The following CMIP variants were observed in gnomAD, a reference collection of about 807,000 sequenced individuals.
The protein encoded by CMIP is C-Maf-inducing protein.
CMIP carries 13 observed loss-of-function variants against 97.3 expected under a neutral mutation model. The ratio of observed to expected loss-of-function variants is 0.13; its 90% CI spans 0.09 to 0.21. The LOEUF is 0.21. CMIP is among the 10% of genes least tolerant of loss of function. The pLI, the probability that CMIP is intolerant of heterozygous loss-of-function variation, is 1.00. For synonymous variants in CMIP, 538 were observed against 436.3 expected, an observed-to-expected ratio of 1.23 and a Z score of -2.91; for missense variants, 847 against 1,024.9, an observed-to-expected ratio of 0.83 and a Z score of 2.37.
At position 81,707,029 on chromosome 16, in the gene CMIP, G is replaced by A; in HGVS notation, c.2213G>A (p.Cys738Tyr). The A allele has an allele frequency of 1.2e-6, 2 of 1,613,740 alleles. No homozygotes were observed. Among genetic ancestry groups the A allele is most frequent in the South Asian group, 1.1e-5 (1 of 91,072 alleles). ...TCTTGTGCAGCCATGAAGAGTCTCT[G>A]CAGTTTAAACATGAACAGCACCAAG... Reference protein sequence around the residue: ...LLALSSMKSLCSLNMNSTKLS... With the variant: ...LLALSSMKSLYSLNMNSTKLS... The change falls in exon 20 of 21, where the codon TGC becomes TAC. Residue 738 changes from cysteine (C) to tyrosine (Y), a missense_variant. By Grantham distance (194) the Cys-to-Tyr change is radical. Around this residue, in one of 4 missense-constraint regions of CMIP, gnomAD observed 266 missense variants for 384.2 expected, o/e 0.69. Coordinates refer to ENST00000537098, the MANE Select transcript of CMIP (RefSeq NM_198390.3).
intron 1 of CMIP, among the ~76,000 whole-genome samples, chr16:81,537,974 G>A (rs1230502591): frequency 5.9e-5 from 9 of 152,224 alleles, no homozygotes; most frequent in East Asian, 3.8e-4. Flanking sequence ...GAAGAGACCC[G>A]GCATTCCGGA....
At chr16:81,553,351 C>T (rs750756904) in intron 1 of CMIP, among the ~76,000 whole-genome samples, 5 of 152,108 alleles carry the variant, frequency 3.3e-5, no homozygotes, top group Non-Finnish European at 5.9e-5. Flanking sequence ...GACCCAGGAC[C>T]GTATTTGCAA....
intron 1 of CMIP, among the ~76,000 whole-genome samples, chr16:81,532,140 G>T (rs929093422): frequency 1.3e-5 from 2 of 152,222 alleles, no homozygotes; most frequent in African/African-American, 2.4e-5. Flanking sequence ...TGCGCAAGGT[G>T]CCCAGGTCCG....
At chr16:81,546,457 C>A (rs907377063) in intron 1 of CMIP, among the ~76,000 whole-genome samples, 1 of 152,148 alleles carries the variant, frequency 6.6e-6, no homozygotes, top group Non-Finnish European at 1.5e-5. Context: ...GACAGTTTTC[C>A]TGAGGCTTGG....
chr16:81,509,651 C>T (rs115046326), intron 1 of CMIP, among the ~76,000 whole-genome samples: 6,775 of 152,296 alleles, frequency 0.044, 173 homozygotes, highest in Non-Finnish European at 0.062. Flanking sequence ...CTAAGCAGAG[C>T]CCTACCCTAG....
intron 1 of CMIP, among the ~76,000 whole-genome samples, chr16:81,574,026 A>G (rs1028733014): frequency 6.6e-6 from 1 of 152,184 alleles, no homozygotes; most frequent in Non-Finnish European, 1.5e-5. Flanking sequence ...CTAGTATAGT[A>G]GTCACTAGCC....
intron 10 of CMIP, among the ~76,000 whole-genome samples, chr16:81,683,709 G>A (rs1177941103): frequency 1.4e-5 from 2 of 140,112 alleles, no homozygotes; most frequent in Non-Finnish European, 3.1e-5. Context: ...AAAAGTCTTT[G>A]ATTCTTCTAG....
At chr16:81,587,527 A>G (rs1282374241) in intron 1 of CMIP, among the ~76,000 whole-genome samples, 3 of 152,184 alleles carry the variant, frequency 2.0e-5, no homozygotes. Context: ...CATCATCCCC[A>G]TCACGGTAAA....
chr16:81,651,671 C>T (rs1207341579), intron 3 of CMIP, among the ~76,000 whole-genome samples: 1 of 152,216 alleles, frequency 6.6e-6, no homozygotes, highest in African/African-American at 2.4e-5. Flanking sequence ...TCTTACTGCG[C>T]TTGAATCCTT....
intron 17 of CMIP, among the ~76,000 whole-genome samples, chr16:81,703,603 A>G (rs896980178): frequency 2.2e-5 from 3 of 134,978 alleles, no homozygotes; most frequent in Admixed American, 1.5e-4. Flanking sequence ...ACATACAGGC[A>G]CACACACACA....
intron 1 of CMIP, among the ~76,000 whole-genome samples, chr16:81,568,289 C>T (rs886361597): frequency 6.6e-6 from 1 of 152,120 alleles, no homozygotes; most frequent in Admixed American, 6.5e-5. Flanking sequence ...TAAAGTCTGC[C>T]TTTCCCTCTA....
At chr16:81,478,461 C>G (rs1476335303) in intron 1 of CMIP, among the ~76,000 whole-genome samples, 1 of 152,162 alleles carries the variant, frequency 6.6e-6, no homozygotes, top group Non-Finnish European at 1.5e-5. Flanking sequence ...GGTGTGCAAG[C>G]AAAGGTCAGA....
chr16:81,543,176 C>G (rs553037173), intron 1 of CMIP, among the ~76,000 whole-genome samples: 1 of 152,158 alleles, frequency 6.6e-6, no homozygotes, highest in African/African-American at 2.4e-5. Flanking sequence ...TCCAGGTGAG[C>G]GCATCTGAGA....
At chr16:81,458,369 C>G (rs961235519) in intron 1 of CMIP, among the ~76,000 whole-genome samples, 1 of 152,168 alleles carries the variant, frequency 6.6e-6, no homozygotes, top group African/African-American at 2.4e-5. Context: ...GGGAGCACTG[C>G]AAAGACGAAC....
intron 10 of CMIP, among the ~76,000 whole-genome samples, chr16:81,686,550 G>A (rs776216889): frequency 1.9e-4 from 29 of 152,250 alleles, no homozygotes; most frequent in Admixed American, 5.9e-4. Context: ...GTGAGTAAGC[G>A]GTCGCTGGCA....
At chr16:81,551,311 A>T (rs1448423100) in intron 1 of CMIP, among the ~76,000 whole-genome samples, 1 of 152,230 alleles carries the variant, frequency 6.6e-6, no homozygotes, top group Non-Finnish European at 1.5e-5. Flanking sequence ...AAAAGCCAGG[A>T]AAATGGGGGG....
chr16:81,489,903 G>A (rs1010971753), intron 1 of CMIP, among the ~76,000 whole-genome samples: 3 of 152,252 alleles, frequency 2.0e-5, no homozygotes, highest in Non-Finnish European at 4.4e-5. Flanking sequence ...AGAATCCAGT[G>A]ATGTCCTGAA....
intron 14 of CMIP, 25 bp downstream of exon 14, chr16:81,696,692 T>A (rs1906761244): frequency 6.3e-7 from 1 of 1,594,990 alleles, no homozygotes; most frequent in Non-Finnish European, 8.5e-7. Flanking sequence ...CCCAGTGGGG[T>A]GACTTCCAGG....
intron 1 of CMIP, among the ~76,000 whole-genome samples, chr16:81,530,195 A>G (rs1339642923): frequency 6.6e-6 from 1 of 152,158 alleles, no homozygotes; most frequent in Non-Finnish European, 1.5e-5. Context: ...ACAGAATCTG[A>G]TCCATTCCTA....
Sources: allele counts gnomAD v4.1 joint callset (sites outside exome capture counted in the v4.1 genomes callset), GRCh38; gene constraint gnomAD v4.1.1; regional missense constraint gnomAD v4.1.1; transcripts MANE v1.5; gene names NCBI Gene and HGNC (gene_info 2026-07-23, HGNC 2026-07-21).